SRGAP2B: variants seen among roughly 807,000 people sequenced by gnomAD.
The protein encoded by SRGAP2B is SLIT-ROBO Rho GTPase-activating protein 2B.
SRGAP2B carries 9 observed loss-of-function variants against 22.2 expected under a neutral mutation model. That is an observed-to-expected ratio of 0.41 (90% CI 0.24 to 0.71). The LOEUF (loss-of-function observed/expected upper bound fraction) is 0.71. Among genes scored for constraint, SRGAP2B ranks in the 30% least tolerant of loss-of-function variants. The probability of loss-of-function intolerance (pLI) is 0.35; values close to 1 mark genes in which losing one functional copy is unlikely to be tolerated. For missense variants in SRGAP2B, 114 were observed against 235.8 expected (o/e 0.48, Z 3.38); for synonymous variants, 36 against 87.4 (o/e 0.41, Z 3.28).
chr1:144,951,608 T>C (rs1412899481), intron 4 of SRGAP2B, among the ~76,000 whole-genome samples: 1 of 150,590 alleles, frequency 6.6e-6, no homozygotes, highest in African/African-American at 2.5e-5. Flanking sequence ...CTTAACACGA[T>C]ACCTGGCACA....
chr1:144,943,448 C>T (rs1379771736), intron 4 of SRGAP2B, among the ~76,000 whole-genome samples: 7 of 151,572 alleles, frequency 4.6e-5, no homozygotes, highest in Non-Finnish European at 8.8e-5. Context: ...CATATTTTTG[C>T]TTTCTGTATT....
At chr1:144,902,804 C>G (rs1212450482) in intron 7 of SRGAP2B, among the ~76,000 whole-genome samples, 1 of 123,634 alleles carries the variant, frequency 8.1e-6, no homozygotes, top group Non-Finnish European at 1.7e-5. Context: ...TTATTACTAC[C>G]TATGTAGCCT....
chr1:144,966,463 G>A (rs2101989126), intron 3 of SRGAP2B, among the ~76,000 whole-genome samples: 1 of 147,260 alleles, frequency 6.8e-6, no homozygotes, highest in African/African-American at 2.7e-5. Context: ...TCACCACCAG[G>A]CCTGCCCTAA....
intron 5 of SRGAP2B, among the ~76,000 whole-genome samples, chr1:144,908,244 G>T (rs1486618964): frequency 2.7e-5 from 4 of 150,000 alleles, no homozygotes; most frequent in African/African-American, 1.0e-4. Flanking sequence ...ATTTCATGAA[G>T]GTGCATGATA....
Position 144,939,578 on chromosome 1 carries a change from T to C in SRGAP2B, c.423+15861A>G, listed in dbSNP as rs587595703. Among the ~76,000 whole-genome samples the C allele has an allele frequency of 5.2e-4, 75 of 144,856 alleles. 2 individuals carry two copies. The highest frequency in any genetic ancestry group is 2.0e-3 in the African/African-American group (73 of 36,922). On this transcript the variant is annotated intron_variant, in intron 4 of 9. Coordinates refer to ENST00000612199, the Ensembl canonical transcript of SRGAP2B. ...TTAAGCTTGCTCTGCAGGCCTTTTA[T>C]ACTGCCAACTTGAATACCGAGCAAT...
At chr1:144,960,335 T>C (rs1570855561) in intron 3 of SRGAP2B, among the ~76,000 whole-genome samples, 1 of 150,574 alleles carries the variant, frequency 6.6e-6, no homozygotes, top group Admixed American at 6.6e-5. Flanking sequence ...CATCATACTA[T>C]ACCTGAGAGG....
chr1:144,975,801 A>G (rs1570904396), intron 3 of SRGAP2B, among the ~76,000 whole-genome samples: 2 of 148,256 alleles, frequency 1.3e-5, no homozygotes, highest in South Asian at 2.1e-4. Context: ...TAATAACAAA[A>G]AGAACTCTAA....
At chr1:145,084,076 T>C (rs1383564038) in intron 2 of SRGAP2B, among the ~76,000 whole-genome samples, 12 of 140,468 alleles carry the variant, frequency 8.5e-5, no homozygotes, top group East Asian at 2.0e-4. Flanking sequence ...CTTTTCTTTT[T>C]TTTTTTTTTT....
At chr1:145,001,829 T>G (rs1671191743) in intron 2 of SRGAP2B, among the ~76,000 whole-genome samples, 1 of 150,736 alleles carries the variant, frequency 6.6e-6, no homozygotes, top group South Asian at 2.1e-4. Flanking sequence ...CAGATGAGCC[T>G]GGGCAACATG....
intron 2 of SRGAP2B, among the ~76,000 whole-genome samples, chr1:145,001,464 G>GA (rs1671151949): frequency 6.7e-6 from 1 of 150,068 alleles, no homozygotes; most frequent in African/African-American, 2.5e-5. Context: ...GAAGAAAGAA[G>GA]AAAAAAACAG....
intron 3 of SRGAP2B, among the ~76,000 whole-genome samples, chr1:144,966,927 A>G (rs1479175812): frequency 6.9e-6 from 1 of 145,354 alleles, no homozygotes; most frequent in Non-Finnish European, 1.5e-5. Context: ...GATCAATTCA[A>G]CAAGAGGAGC....
At chr1:144,933,955 C>G (rs1435663410) in intron 4 of SRGAP2B, among the ~76,000 whole-genome samples, 1 of 151,958 alleles carries the variant, frequency 6.6e-6, no homozygotes, top group Non-Finnish European at 1.5e-5. Context: ...ATCTCATTTG[C>G]TCACATCCTA....
At chr1:144,998,426 A>G (rs2024684) in intron 2 of SRGAP2B, among the ~76,000 whole-genome samples, 1 of 125,856 alleles carries the variant, frequency 7.9e-6, no homozygotes, top group Non-Finnish European at 1.6e-5. Flanking sequence ...CAGAGACAGT[A>G]AGAAAGCAAT....
intron 2 of SRGAP2B, among the ~76,000 whole-genome samples, chr1:145,006,893 T>G (rs1369785239): frequency 6.6e-6 from 1 of 150,732 alleles, no homozygotes; most frequent in Non-Finnish European, 1.5e-5. Context: ...CAAAGCTGAG[T>G]GATTAAGAGG....
intron 4 of SRGAP2B, among the ~76,000 whole-genome samples, chr1:144,939,989 TA>T (rs1306711763): frequency 2.1e-5 from 3 of 144,578 alleles, no homozygotes; most frequent in Admixed American, 6.9e-5. Flanking sequence ...TTCTAGCCTA[TA>T]TGATAATATA....
At chr1:144,918,835 T>C in intron 4 of SRGAP2B, 1 of 11,898 alleles carries the variant, frequency 8.4e-5, no homozygotes, top group Non-Finnish European at 1.8e-4. Context: ...TGTTACCGAT[T>C]CTCTAGTTAT....
intron 4 of SRGAP2B, among the ~76,000 whole-genome samples, chr1:144,931,461 A>G (rs1433823368): frequency 6.6e-6 from 1 of 150,786 alleles, no homozygotes; most frequent in Non-Finnish European, 1.5e-5. Context: ...ACAGCAAGAA[A>G]GACATATACA....
At chr1:144,984,576 T>C (rs1227280179) in intron 3 of SRGAP2B, among the ~76,000 whole-genome samples, 1 of 149,892 alleles carries the variant, frequency 6.7e-6, no homozygotes, top group Non-Finnish European at 1.5e-5. Flanking sequence ...GCTCTAGGAG[T>C]ACAGGGGTGG....
chr1:144,952,651 C>G (rs1443952767), intron 4 of SRGAP2B, among the ~76,000 whole-genome samples: 2 of 150,084 alleles, frequency 1.3e-5, no homozygotes, highest in Non-Finnish European at 2.9e-5. Context: ...CTCACTGCAT[C>G]CTCAAACTAT....
Sources: gnomAD v4.1 joint callset for allele counts (sites outside exome capture counted in the v4.1 genomes callset) on GRCh38, gnomAD v4.1.1 for gene constraint, MANE v1.5 for transcripts, NCBI Gene and HGNC (gene_info 2026-07-23, HGNC 2026-07-21) for gene names.